GLIS1: variants seen among roughly 807,000 people sequenced by gnomAD.
GLIS1 encodes the protein zinc finger protein GLIS1.
In GLIS1, 24 loss-of-function variants were observed where a neutral mutation model predicts 63.8. That is an observed-to-expected ratio of 0.38 (90% CI 0.27 to 0.53). The LOEUF (loss-of-function observed/expected upper bound fraction) is 0.53. Among genes scored for constraint, GLIS1 ranks in the 20% least tolerant of loss-of-function variants. GLIS1 has a pLI of 0.85. For synonymous variants in GLIS1, 450 were observed against 482.5 expected, an observed-to-expected ratio of 0.93 and a Z score of 0.88; for missense variants, 1,036 against 1,074.1, an observed-to-expected ratio of 0.96 and a Z score of 0.50.
chr1:53,506,989 C>A (rs1279602248), intron 10 of GLIS1, among the ~76,000 whole-genome samples: 1 of 152,068 alleles, frequency 6.6e-6, no homozygotes, highest in Non-Finnish European at 1.5e-5. Context: ...CCTGGCACAC[C>A]CAGGGGGCCC....
In GLIS1 at chr1:53,600,211, C is replaced by T. The variant is rs1482982813; in HGVS notation, c.327G>A (p.Glu109=). 8.1e-7 allele frequency: 1 copy of T among 1,232,158 alleles called. No individual in the cohort carries two copies. The highest frequency in any genetic ancestry group is 3.2e-5 in the East Asian group (1 of 31,704). The allele number at this position is 1,232,158 out of a possible 1,614,324, so 76.3% of individuals were successfully genotyped here. A position where few individuals can be genotyped will look rare whatever the true frequency, so the allele number is the denominator to read the frequency against. ...EKSLLDLDLA[E]GPGPTCCQGL... ...CCTGGCAGCAGGTGGGGCCAGGGCC[C>T]TCAGCAAGGTCCAGGTCCAGCAGGC... Residue 109 remains glutamate (E), a synonymous_variant, in exon 3 of 11, where the codon GAG becomes GAA. Transcript: ENST00000628545.
intron 2 of GLIS1, among the ~76,000 whole-genome samples, chr1:53,645,590 C>T (rs1487661927): frequency 6.6e-6 from 1 of 152,156 alleles, no homozygotes; most frequent in Admixed American, 6.5e-5. Context: ...GATGGCCTGC[C>T]CAACAGCAAG....
chr1:53,521,785 A>C (rs1210530555), intron 6 of GLIS1, among the ~76,000 whole-genome samples: 1 of 152,242 alleles, frequency 6.6e-6, no homozygotes. Context: ...TCACCTCAGA[A>C]CATCTTCCAG....
intron 4 of GLIS1, among the ~76,000 whole-genome samples, chr1:53,549,121 C>G (rs908104328): frequency 6.6e-6 from 1 of 152,204 alleles, no homozygotes; most frequent in African/African-American, 2.4e-5. Context: ...ATACTTCACT[C>G]TTTTTGATGG....
chr1:53,606,503 C>T (rs1395543093), intron 2 of GLIS1, among the ~76,000 whole-genome samples: 3 of 151,982 alleles, frequency 2.0e-5, no homozygotes, highest in South Asian at 2.1e-4. Context: ...AGCAGCTCAC[C>T]GCAGGACACA....
chr1:53,518,845 G>C (rs183479658), intron 7 of GLIS1, among the ~76,000 whole-genome samples: 21 of 152,222 alleles, frequency 1.4e-4, no homozygotes, highest in African/African-American at 5.1e-4. Context: ...GTCCCTTCTC[G>C]CTGGGACAAG....
At chr1:53,523,330 C>T (rs985265996) in intron 6 of GLIS1, among the ~76,000 whole-genome samples, 1 of 152,084 alleles carries the variant, frequency 6.6e-6, no homozygotes, top group Non-Finnish European at 1.5e-5. Flanking sequence ...CCAAGCCTGG[C>T]GGTCCCCTCC....
At chr1:53,530,053 C>A in intron 4 of GLIS1, 101 bp from the exon 5 acceptor site, 1 of 1,072,040 alleles carries the variant, frequency 9.3e-7, no homozygotes, top group Non-Finnish European at 1.3e-6. Flanking sequence ...CACCCCTGCC[C>A]CTCCCATCCT....
intron 10 of GLIS1, among the ~76,000 whole-genome samples, chr1:53,507,489 A>AG (rs1378339846): frequency 6.6e-6 from 1 of 152,028 alleles, no homozygotes; most frequent in Non-Finnish European, 1.5e-5. Flanking sequence ...AGGGGCCGGG[A>AG]GGGGTGATCT....
chr1:53,568,163 C>T (rs904727862), intron 4 of GLIS1, among the ~76,000 whole-genome samples: 3 of 152,228 alleles, frequency 2.0e-5, no homozygotes, highest in Non-Finnish European at 4.4e-5. Flanking sequence ...CTTGAGAGCC[C>T]ACCCTTTACA....
intron 4 of GLIS1, among the ~76,000 whole-genome samples, chr1:53,578,673 G>A (rs902522055): frequency 4.6e-5 from 7 of 152,166 alleles, no homozygotes; most frequent in African/African-American, 1.7e-4. Context: ...ATTCAATCAC[G>A]ATAATTAAGT....
intron 5 of GLIS1, among the ~76,000 whole-genome samples, chr1:53,525,929 G>GTCT (rs1402857396): frequency 6.6e-6 from 1 of 152,148 alleles, no homozygotes; most frequent in African/African-American, 2.4e-5. Flanking sequence ...GGAGCGACTT[G>GTCT]TCTGATTCAT....
chr1:53,615,069 C>T (rs1645466648), intron 2 of GLIS1, among the ~76,000 whole-genome samples: 1 of 152,016 alleles, frequency 6.6e-6, no homozygotes, highest in South Asian at 2.1e-4. Context: ...AAACCTAAGA[C>T]AGAATGGGAC....
At chr1:53,601,810 C>T (rs1241274949) in intron 2 of GLIS1, among the ~76,000 whole-genome samples, 2 of 152,232 alleles carry the variant, frequency 1.3e-5, no homozygotes, top group African/African-American at 4.8e-5. Context: ...TCCCTCAACC[C>T]TAATTCTAGC....
chr1:53,692,354 CATAAA>C (rs1646415155), intron 2 of GLIS1, among the ~76,000 whole-genome samples: 1 of 152,166 alleles, frequency 6.6e-6, no homozygotes, highest in Non-Finnish European at 1.5e-5. Context: ...TCAACACAAC[CATAAA>C]ATAGCAATGG....
chr1:53,601,944 C>G (rs977556694), intron 2 of GLIS1, among the ~76,000 whole-genome samples: 2 of 152,218 alleles, frequency 1.3e-5, no homozygotes, highest in African/African-American at 4.8e-5. Flanking sequence ...GAGCACGTTC[C>G]AGTCTGTGGA....
intron 2 of GLIS1, among the ~76,000 whole-genome samples, chr1:53,624,832 A>C (rs758226732): frequency 4.6e-5 from 7 of 152,238 alleles, no homozygotes; most frequent in Non-Finnish European, 7.3e-5. Flanking sequence ...AGAATATATA[A>C]ATAACTCATA....
At chr1:53,698,244 G>A (rs1222757666) in intron 2 of GLIS1, among the ~76,000 whole-genome samples, 1 of 152,168 alleles carries the variant, frequency 6.6e-6, no homozygotes, top group Non-Finnish European at 1.5e-5. Flanking sequence ...AAATGCAACA[G>A]GCAACATCCC....
chr1:53,518,654 C>A (rs1465751183), intron 7 of GLIS1, among the ~76,000 whole-genome samples: 1 of 152,164 alleles, frequency 6.6e-6, no homozygotes, highest in Non-Finnish European at 1.5e-5. Context: ...AGAACAAGGG[C>A]AGTAGCTTCA....
Sources: gnomAD v4.1 joint callset for allele counts (sites outside exome capture counted in the v4.1 genomes callset) on GRCh38, gnomAD v4.1.1 for gene constraint, MANE v1.5 for transcripts, NCBI Gene and HGNC (gene_info 2026-07-23, HGNC 2026-07-21) for gene names.